The following TRAF2 variants were observed in gnomAD, a reference collection of about 807,000 sequenced individuals.
The protein encoded by TRAF2 is TNF receptor-associated factor 2.
Under a neutral mutation model 55.6 loss-of-function variants are expected in TRAF2, and 6 were observed. That is an observed-to-expected ratio of 0.11 (90% confidence interval 0.06 to 0.21). TRAF2 has a LOEUF of 0.21. Ranked by LOEUF, TRAF2 falls within the 10% of genes least tolerant of loss-of-function variation. The pLI is 1.00. For missense variants in TRAF2, 561 were observed against 684.5 expected (o/e 0.82, Z 2.01); for synonymous variants, 329 against 276.3 (o/e 1.19, Z -1.89).
intron 1 of TRAF2, chr9:136,889,644 AC>A (rs1217975499): frequency 6.6e-6 from 1 of 151,942 alleles, no homozygotes; most frequent in Non-Finnish European, 1.5e-5. Context: ...TTATTTTTAT[AC>A]CTGAGGTCTT....
At chr9:136,887,994 C>G (rs1248823291) in intron 1 of TRAF2, among the ~76,000 whole-genome samples, 2 of 152,098 alleles carry the variant, frequency 1.3e-5, no homozygotes, top group Middle Eastern at 3.4e-3. Context: ...CTCAGCCTCC[C>G]GAGCAGCTGG....
chr9:136,913,513 G>A (rs1850170939), intron 6 of TRAF2, among the ~76,000 whole-genome samples: 1 of 151,586 alleles, frequency 6.6e-6, no homozygotes, highest in African/African-American at 2.4e-5. Flanking sequence ...TGGCCAGGCT[G>A]GTCTCAAACT....
At chr9:136,911,240 A>G (rs956066839) in intron 6 of TRAF2, among the ~76,000 whole-genome samples, 1 of 149,302 alleles carries the variant, frequency 6.7e-6, no homozygotes, top group Non-Finnish European at 1.5e-5. Context: ...TTCTCTGTGC[A>G]TGGTGCATTT....
At chr9:136,901,331 G>A (rs1425053064) in intron 4 of TRAF2, among the ~76,000 whole-genome samples, 2 of 152,188 alleles carry the variant, frequency 1.3e-5, no homozygotes, top group Admixed American at 1.3e-4. Flanking sequence ...GAGTAACACT[G>A]TCCACAGAGC....
chr9:136,917,478 C>T (rs916922246), intron 7 of TRAF2, among the ~76,000 whole-genome samples: 4 of 152,336 alleles, frequency 2.6e-5, no homozygotes, highest in East Asian at 3.9e-4. Flanking sequence ...GTCCGTCTTG[C>T]CCTGTACAAC....
At chr9:136,917,558 C>T (rs888999472) in intron 7 of TRAF2, among the ~76,000 whole-genome samples, 8 of 152,202 alleles carry the variant, frequency 5.3e-5, no homozygotes, top group African/African-American at 1.7e-4. Context: ...GAGGTGTGTG[C>T]CTGATGGATG....
chr9:136,906,237 C>T (rs552496633), intron 4 of TRAF2, among the ~76,000 whole-genome samples: 4 of 152,302 alleles, frequency 2.6e-5, no homozygotes, highest in African/African-American at 7.2e-5. Context: ...TGTATTCTTA[C>T]CCCTGCACTC....
intron 9 of TRAF2, among the ~76,000 whole-genome samples, chr9:136,922,964 G>C (rs1034002556): frequency 6.6e-6 from 1 of 151,856 alleles, no homozygotes; most frequent in African/African-American, 2.4e-5. Flanking sequence ...GGGGGCACGC[G>C]GTGGAGGACG....
Position 136,923,982 on chromosome 9 carries a change from G to T in TRAF2, c.1269G>T (p.Arg423=), listed in dbSNP as rs200660050. The T allele has an allele frequency of 6.8e-6, 11 of 1,613,376 alleles. No individual in the cohort carries two copies. The highest frequency in any genetic ancestry group is 9.3e-6 in the Non-Finnish European group (11 of 1,179,954). Residue 423 remains arginine, a synonymous_variant, in exon 10 of 11, where the codon CGG becomes CGT. Coordinates refer to ENST00000247668, the MANE Select transcript of TRAF2 (RefSeq NM_021138.4). ...VMKGPNDALL[R]WPFNQKVTLM... is the part of the protein sequence containing the mutation. ...AGGGCCCGAATGACGCCCTGCTGCG[G>T]TGGCCCTTCAACCAGAAGGTGAGGC... is the stretch of plus-strand genomic sequence containing the variant.
At chr9:136,910,023 C>A (rs751650073) in intron 6 of TRAF2, 29 bp downstream of exon 6, 5 of 1,604,766 alleles carry the variant, frequency 3.1e-6, no homozygotes, top group Non-Finnish European at 2.6e-6. Flanking sequence ...CTTGGAGGAC[C>A]GCAGGGCGGG....
chr9:136,909,052 G>GA (rs1419719284), intron 5 of TRAF2, among the ~76,000 whole-genome samples: 20 of 147,142 alleles, frequency 1.4e-4, no homozygotes, highest in Admixed American at 1.2e-3. Flanking sequence ...AAAAAAAAAA[G>GA]AAAAAAAATT....
intron 10 of TRAF2, 145 bp downstream of exon 10, chr9:136,924,145 G>A (rs1263877015): frequency 2.0e-6 from 2 of 998,642 alleles, no homozygotes; most frequent in African/African-American, 1.6e-5. Context: ...ACCCTGTGAT[G>A]CTGTGTCACG....
At chr9:136,907,858 C>T (rs935222068) in intron 4 of TRAF2, among the ~76,000 whole-genome samples, 5 of 151,814 alleles carry the variant, frequency 3.3e-5, no homozygotes, top group Admixed American at 3.3e-4. Context: ...GCTCAGTGTG[C>T]GGTGAAGAGA....
chr9:136,917,309 G>T (rs149166527), intron 7 of TRAF2, among the ~76,000 whole-genome samples: 1 of 152,134 alleles, frequency 6.6e-6, no homozygotes, highest in Non-Finnish European at 1.5e-5. Context: ...TGCCCTGCTC[G>T]CTGGCCTGAG....
At chr9:136,889,643 T>C (rs1261559386) in intron 1 of TRAF2, 1 of 152,162 alleles carries the variant, frequency 6.6e-6, no homozygotes. Flanking sequence ...TTTATTTTTA[T>C]ACCTGAGGTC....
At chr9:136,893,727 C>G (rs1032317443) in intron 1 of TRAF2, among the ~76,000 whole-genome samples, 1 of 152,144 alleles carries the variant, frequency 6.6e-6, no homozygotes, top group African/African-American at 2.4e-5. Context: ...TATTTGGGGT[C>G]TGTGTGGTAG....
chr9:136,886,061 G>T (rs1849438774), upstream of TRAF2: 1 of 152,272 alleles, frequency 6.6e-6, no homozygotes, highest in South Asian at 2.1e-4. Flanking sequence ...CGCGCCTCGT[G>T]GGAACCGGTG....
At chr9:136,899,011 A>G (rs1347572284) in intron 2 of TRAF2, 83 bp downstream of exon 2, 4 of 1,419,674 alleles carry the variant, frequency 2.8e-6, no homozygotes, top group Non-Finnish European at 3.8e-6. Flanking sequence ...GGTAGCTCCC[A>G]GCAGAGCCGG....
intron 1 of TRAF2, among the ~76,000 whole-genome samples, chr9:136,887,500 A>T (rs1291092253): frequency 2.0e-5 from 3 of 152,042 alleles, no homozygotes; most frequent in East Asian, 1.9e-4. Flanking sequence ...CACTCGGTGT[A>T]GGGCCGACAG....
Sources: gnomAD v4.1 joint callset for allele counts (sites outside exome capture counted in the v4.1 genomes callset) on GRCh38, gnomAD v4.1.1 for gene constraint, MANE v1.5 for transcripts, NCBI Gene and HGNC (gene_info 2026-07-23, HGNC 2026-07-21) for gene names.